Variants in NRXN3 observed in about 807,000 individuals in gnomAD.
NRXN3 encodes the protein neurexin 3.
A neutral mutation model predicts 137.6 loss-of-function variants in NRXN3; 32 were observed. The ratio of observed to expected loss-of-function variants is 0.23; its 90% confidence interval spans 0.18 to 0.31. NRXN3 has a LOEUF of 0.31. Ranked by LOEUF, NRXN3 falls within the 10% of genes least tolerant of loss-of-function variation. The pLI, the probability that NRXN3 is intolerant of heterozygous loss-of-function variation, is 1.00. For synonymous variants in NRXN3, 798 were observed against 784.5 expected (o/e 1.02, Z -0.29); for missense variants, 1,574 against 2,062.5 (o/e 0.76, Z 4.59).
At chr14:79,326,929 T>C (rs1023260678) in intron 15 of NRXN3, among the ~76,000 whole-genome samples, 1 of 152,136 alleles carries the variant, frequency 6.6e-6, no homozygotes, top group African/African-American at 2.4e-5. Flanking sequence ...ATCCTCAATG[T>C]CCTCCATCAG....
chr14:78,190,784 G>A lies in NRXN3; in HGVS notation c.-704+20110G>A, dbSNP rs556901557. ...TGCCTCCCGGGTTCAGGTGATTCTC[G>A]TGCCTCAGCCTCCCGAGTAGCTGGG... is the stretch of plus-strand genomic sequence containing the variant. On this transcript the variant is annotated intron_variant, in intron 1 of 20. Transcript: ENST00000335750. 3.9e-5 allele frequency among the ~76,000 whole-genome samples: 6 copies of A among 151,932 alleles called. No homozygotes were observed. The South Asian group carries it at 1.0e-3, about 26-fold the overall frequency.
intron 15 of NRXN3, among the ~76,000 whole-genome samples, chr14:79,256,191 T>TCTCA (rs911110106): frequency 6.7e-6 from 1 of 150,320 alleles, no homozygotes; most frequent in African/African-American, 2.4e-5. Context: ...TCTCTCTCTC[T>TCTCA]CACACACACA....
chr14:78,961,951 A>G (rs1359741818), intron 11 of NRXN3, among the ~76,000 whole-genome samples: 1 of 152,166 alleles, frequency 6.6e-6, no homozygotes, highest in Admixed American at 6.5e-5. Flanking sequence ...TGCTTTAGGG[A>G]GGGTGCTGGA....
At chr14:79,761,069 C>G (rs1397957040) in intron 19 of NRXN3, among the ~76,000 whole-genome samples, 1 of 151,530 alleles carries the variant, frequency 6.6e-6, no homozygotes, top group Non-Finnish European at 1.5e-5. Flanking sequence ...TTGAGATGGC[C>G]AAGAGAGATC....
chr14:78,845,118 A>G (rs561964132), intron 10 of NRXN3, among the ~76,000 whole-genome samples: 94 of 152,232 alleles, frequency 6.2e-4, no homozygotes, highest in South Asian at 1.4e-3. Context: ...AAAGAGTAGT[A>G]TAGAATTTAT....
chr14:78,510,519 T>C (rs1158519682), intron 4 of NRXN3, among the ~76,000 whole-genome samples: 2 of 152,192 alleles, frequency 1.3e-5, no homozygotes, highest in African/African-American at 4.8e-5. Flanking sequence ...TTTATGAAAT[T>C]CTTACCCTTT....
chr14:78,199,305 C>T (rs1334772298), intron 1 of NRXN3, among the ~76,000 whole-genome samples: 1 of 151,910 alleles, frequency 6.6e-6, no homozygotes, highest in African/African-American at 2.4e-5. Flanking sequence ...TCTGAGACAC[C>T]CCTCCCCCCC....
At chr14:78,334,300 A>G (rs888333295) in intron 4 of NRXN3, among the ~76,000 whole-genome samples, 8 of 152,168 alleles carry the variant, frequency 5.3e-5, no homozygotes, top group Admixed American at 3.9e-4. Context: ...ACGGTGATTA[A>G]AGCCAGGGCA....
chr14:79,760,064 A>T (rs2099033080), intron 19 of NRXN3, among the ~76,000 whole-genome samples: 1 of 151,664 alleles, frequency 6.6e-6, no homozygotes, highest in African/African-American at 2.4e-5. Flanking sequence ...TTTCAAATAC[A>T]TATATATACT....
chr14:79,464,517 CT>C (rs2096396379), intron 15 of NRXN3, among the ~76,000 whole-genome samples: 3 of 151,876 alleles, frequency 2.0e-5, no homozygotes, highest in Admixed American at 1.3e-4. Flanking sequence ...CTGAGAATTA[CT>C]GGTAGGATTG....
intron 15 of NRXN3, among the ~76,000 whole-genome samples, chr14:79,158,797 A>G (rs776124566): frequency 5.3e-5 from 8 of 151,862 alleles, no homozygotes; most frequent in Non-Finnish European, 8.8e-5. Context: ...CTGAAAATAT[A>G]ACCATACTAA....
intron 10 of NRXN3, among the ~76,000 whole-genome samples, chr14:78,914,319 A>G (rs1190482621): frequency 6.6e-6 from 1 of 152,226 alleles, no homozygotes; most frequent in Non-Finnish European, 1.5e-5. Flanking sequence ...AACAAAAGAA[A>G]CAAAAATACC....
intron 1 of NRXN3, among the ~76,000 whole-genome samples, chr14:78,190,266 C>A (rs935835333): frequency 6.6e-6 from 1 of 152,224 alleles, no homozygotes; most frequent in Non-Finnish European, 1.5e-5. Flanking sequence ...ACAGACAAAG[C>A]CTGGAACTTT....
intron 19 of NRXN3, among the ~76,000 whole-genome samples, chr14:79,747,931 T>C (rs2098984628): frequency 6.6e-6 from 1 of 152,012 alleles, no homozygotes; most frequent in Non-Finnish European, 1.5e-5. Flanking sequence ...CTTTATAGGG[T>C]TATTGTGAAC....
At chr14:78,556,969 C>T (rs1431424672) in intron 4 of NRXN3, among the ~76,000 whole-genome samples, 1 of 105,144 alleles carries the variant, frequency 9.5e-6, no homozygotes, top group Non-Finnish European at 2.0e-5. Flanking sequence ...CCTCCCCTCC[C>T]CTCCCTCCCT....
At chr14:79,522,844 A>G (rs188275297) in intron 16 of NRXN3, among the ~76,000 whole-genome samples, 17 of 152,282 alleles carry the variant, frequency 1.1e-4, no homozygotes, top group African/African-American at 3.6e-4. Context: ...TATGTAAAAA[A>G]CTGCCATGTT....
chr14:78,860,324 C>T (rs2099069033), intron 10 of NRXN3, among the ~76,000 whole-genome samples: 1 of 152,102 alleles, frequency 6.6e-6, no homozygotes, highest in Admixed American at 6.6e-5. Context: ...TGTCTACTAG[C>T]TCTTAGATAG....
At chr14:79,673,187 C>T (rs991044627) in intron 17 of NRXN3, among the ~76,000 whole-genome samples, 2 of 152,018 alleles carry the variant, frequency 1.3e-5, no homozygotes, top group Non-Finnish European at 2.9e-5. Context: ...GACAAAGCGG[C>T]ACTTTGAGTC....
At chr14:78,729,399 C>T (rs2098503556) in intron 8 of NRXN3, among the ~76,000 whole-genome samples, 3 of 152,116 alleles carry the variant, frequency 2.0e-5, no homozygotes, top group Admixed American at 2.0e-4. Flanking sequence ...GTTCCTCTTC[C>T]AACCTTGTCA....
Sources: allele counts gnomAD v4.1 joint callset (sites outside exome capture counted in the v4.1 genomes callset), GRCh38; gene constraint gnomAD v4.1.1; transcripts MANE v1.5; gene names NCBI Gene and HGNC (gene_info 2026-07-23, HGNC 2026-07-21).